The following MICAL3 variants were observed in gnomAD, a reference collection of about 807,000 sequenced individuals.
MICAL3 encodes the protein microtubule associated monooxygenase, calponin and LIM domain containing 3, also known as [F-actin]-monooxygenase MICAL3.
Under a neutral mutation model 207.4 loss-of-function variants are expected in MICAL3, and 62 were observed. The ratio of observed to expected loss-of-function variants is 0.30; its 90% CI spans 0.24 to 0.37. MICAL3 has a LOEUF of 0.37. MICAL3 is among the 10% of genes least tolerant of loss of function. MICAL3 has a pLI of 1.00. For synonymous variants in MICAL3, 1,077 were observed against 1,069.3 expected (o/e 1.01, Z -0.14); for missense variants, 2,368 against 2,635.6 (o/e 0.90, Z 2.22).
intron 1 of MICAL3, among the ~76,000 whole-genome samples, chr22:17,998,718 G>A (rs1470196477): frequency 6.6e-6 from 1 of 151,840 alleles, no homozygotes. Flanking sequence ...GCACCACCAC[G>A]CCCAGCTGGT....
intron 1 of MICAL3, among the ~76,000 whole-genome samples, chr22:17,908,468 C>T (rs928901359): frequency 1.4e-4 from 22 of 152,078 alleles, no homozygotes; most frequent in Non-Finnish European, 2.6e-4. Context: ...CCACCACGCC[C>T]GGCTAATTTT....
At chr22:17,842,697 C>A (rs893502030) in intron 19 of MICAL3, among the ~76,000 whole-genome samples, 2 of 152,254 alleles carry the variant, frequency 1.3e-5, no homozygotes, top group African/African-American at 4.8e-5. Context: ...ACTTCCCCAT[C>A]AGTCCTCCGT....
chr22:17,810,632 G>T, intron 28 of MICAL3, 71 bp downstream of exon 28: 2 of 1,239,248 alleles, frequency 1.6e-6, no homozygotes, highest in Non-Finnish European at 2.4e-6. Context: ...GCAGGGAGCA[G>T]CTGGGTGGAT....
At chr22:17,871,481 T>C (rs550289402) in intron 17 of MICAL3, among the ~76,000 whole-genome samples, 198 of 152,348 alleles carry the variant, frequency 1.3e-3, no homozygotes, top group African/African-American at 4.5e-3. Flanking sequence ...AATATGTGAC[T>C]TCTATGGATG....
chr22:17,895,380 G>C lies in MICAL3; in HGVS notation c.1353C>G (p.Thr451=). ...AGTTCTTACTCACATTCTCAGGGGTGGTCTGAGGCAGCAACCTGTAAATAC... is the reference window on the plus strand; with the variant it reads ...AGTTCTTACTCACATTCTCAGGGGTCGTCTGAGGCAGCAACCTGTAAATAC... The part of the protein sequence containing the change: ...RESIYRLLPQ[T]TPENVSKNFS... Residue 451 remains threonine (T), a synonymous_variant, in exon 10 of 32, where the codon ACC becomes ACG. Coordinates refer to ENST00000441493, the MANE Select transcript of MICAL3 (RefSeq NM_015241.3). The C allele has an allele frequency of 6.2e-7, 1 of 1,613,656 alleles. No individual in the cohort carries two copies. The highest frequency in any genetic ancestry group is 8.5e-7 in the Non-Finnish European group (1 of 1,179,698).
At chr22:17,973,437 T>C (rs1361788457) in intron 1 of MICAL3, among the ~76,000 whole-genome samples, 1 of 152,150 alleles carries the variant, frequency 6.6e-6, no homozygotes, top group Non-Finnish European at 1.5e-5. Flanking sequence ...GGCTTGATCA[T>C]CATGAGGCCC....
intron 1 of MICAL3, among the ~76,000 whole-genome samples, chr22:17,907,743 T>G (rs1931845548): frequency 6.6e-6 from 1 of 151,714 alleles, no homozygotes; most frequent in African/African-American, 2.4e-5. Flanking sequence ...TAGGGAGAGG[T>G]CTGAAGAGAA....
Position 17,841,976 on chromosome 22 carries a change from G to T in MICAL3, c.2647C>A (p.Arg883=). Residue 883 remains arginine (R), a synonymous_variant, in exon 20 of 32, where the codon CGA becomes AGA. Coordinates refer to ENST00000441493, the MANE Select transcript of MICAL3 (RefSeq NM_015241.3). The surrounding 1 kb of genome is among the most constrained non-coding windows in gnomAD (Gnocchi z 4.2). ...NGLEEPSIAK[R]LRGTPERIEL... is the part of the protein sequence containing the mutation. ...ATCCGCTCTGGGGTGCCCCTCAGTCGCTTGGCGATGCTGGGCTCCTCCAGG... is the reference window on the plus strand; with the variant it reads ...ATCCGCTCTGGGGTGCCCCTCAGTCTCTTGGCGATGCTGGGCTCCTCCAGG... 1 of 1,605,828 alleles carries T rather than the reference G, an allele frequency of 6.2e-7. No individual in the cohort carries two copies. Among genetic ancestry groups the T allele is most frequent in the South Asian group, 1.1e-5 (1 of 90,766 alleles).
chr22:17,959,210 T>C (rs1305294472), intron 1 of MICAL3, among the ~76,000 whole-genome samples: 1 of 151,108 alleles, frequency 6.6e-6, no homozygotes, highest in East Asian at 1.9e-4. Flanking sequence ...AGAGATGGGG[T>C]TTCACTGTGT....
Position 17,888,961 on chromosome 22 carries a change from CGGAA to C in MICAL3, c.1891+69_1891+72del, listed in dbSNP as rs955317842. The C allele has an allele frequency of 3.3e-5, 36 of 1,074,974 alleles. No individual in the cohort carries two copies. In the African/African-American group the frequency reaches 3.8e-4, roughly 11 times the overall value. The allele number at this position is 1,074,974 out of a possible 1,614,324, so 66.6% of individuals were successfully genotyped here. ...TTTGGTGGCACTGCTGCGGGACAGT[CGGAA>C]GGAAGGAAGAACAGCCGGGCCACAG... On this transcript the variant is annotated intron_variant, in intron 13 of 31. Transcript: ENST00000441493.
In MICAL3 at chr22:17,849,447, G is replaced by A. The variant is rs113699491; in HGVS notation, c.2606-7430C>T. Among the ~76,000 whole-genome samples, 467 of 152,200 alleles carry A rather than the reference G, an allele frequency of 3.1e-3. 4 individuals are homozygous for A. Among genetic ancestry groups the A allele is most frequent in the African/African-American group, 0.011 (443 of 41,534 alleles). ...AATCTTGGGCTCAGGTGGTCCTCCC[G>A]TCTCAGCCTCCTGAGTAGCTGAGAC... On this transcript the variant is annotated intron_variant, in intron 19 of 31. Transcript: ENST00000441493.
chr22:18,004,059 C>T (rs905843587), intron 1 of MICAL3, among the ~76,000 whole-genome samples: 1 of 151,400 alleles, frequency 6.6e-6, no homozygotes, highest in South Asian at 2.1e-4. Context: ...TGAGCCACTG[C>T]GCCTGGCCCC....
chr22:17,911,230 T>G (rs921920419), intron 1 of MICAL3, among the ~76,000 whole-genome samples: 1 of 152,114 alleles, frequency 6.6e-6, no homozygotes, highest in African/African-American at 2.4e-5. Context: ...AGTTGAAGGT[T>G]GTCACTGACT....
chr22:17,900,422 G>C lies in MICAL3; in HGVS notation c.847+420C>G, dbSNP rs1931221623. Among the ~76,000 whole-genome samples the C allele has an allele frequency of 6.6e-6, 1 of 152,094 alleles. No individual in the cohort carries two copies. The highest frequency in any genetic ancestry group is 6.5e-5 in the Admixed American group (1 of 15,268). ...TTGGGAGCAGCCCGGGCAACATGGCGAAACTCCGTCTCTACAAGTAATACG... is the reference window on the plus strand; with the variant it reads ...TTGGGAGCAGCCCGGGCAACATGGCCAAACTCCGTCTCTACAAGTAATACG... On this transcript the variant is annotated intron_variant, in intron 6 of 31. Coordinates refer to ENST00000441493, the MANE Select transcript of MICAL3 (RefSeq NM_015241.3). The surrounding 1 kb of genome is among the most constrained non-coding windows in gnomAD (Gnocchi z 4.0).
chr22:18,019,948 G>GACT (rs537663115), intron 1 of MICAL3: 182 of 151,202 alleles, frequency 1.2e-3, no homozygotes, highest in Non-Finnish European at 2.0e-3. Flanking sequence ...GAGTAGGTGG[G>GACT]ACTACAGGTG....
At position 17,900,875 on chromosome 22, in the gene MICAL3, G is replaced by C. The variant is rs1168102299; in HGVS notation, c.814C>G (p.Gln272Glu). The C allele has an allele frequency of 1.2e-6, 2 of 1,613,918 alleles. No homozygotes were observed. The highest frequency in any genetic ancestry group is 1.3e-5 in the African/African-American group (1 of 75,022). Residue 272 changes from glutamine to glutamate, a missense_variant, in exon 6 of 32, where the codon CAA becomes GAA. Transcript: ENST00000441493. The surrounding 1 kb of genome is among the most constrained non-coding windows in gnomAD (Gnocchi z 4.0). ...EISGVAFIFN[Q>E]KFFQELREAT... ...TCCCTCAGTTCCTGGAAAAATTTTT[G>C]GTTGAATATAAAAGCCACACCACTG...
intron 17 of MICAL3, 37 bp from the exon 18 acceptor site, chr22:17,866,049 C>G (rs1026902707): frequency 1.3e-6 from 2 of 1,508,956 alleles, no homozygotes; most frequent in African/African-American, 2.7e-5. Flanking sequence ...AGGCGATGAG[C>G]CAGGCACGGA....
chr22:17,914,371 A>G (rs1210771631), intron 1 of MICAL3, among the ~76,000 whole-genome samples: 1 of 152,180 alleles, frequency 6.6e-6, no homozygotes, highest in African/African-American at 2.4e-5. Context: ...ACTCGGTGCC[A>G]CATCCACGCC....
Position 17,902,559 on chromosome 22 carries a change from G to T in MICAL3, c.589+72C>A. 1 of 922,912 alleles carries T rather than the reference G, an allele frequency of 1.1e-6. No individual in the cohort carries two copies. The highest frequency in any genetic ancestry group is 1.7e-6 in the Non-Finnish European group (1 of 593,394). 57.2% of individuals were successfully genotyped at this position (922,912 alleles called of 1,614,324 possible). On this transcript the variant is annotated intron_variant, in intron 4 of 31. Coordinates refer to ENST00000441493, the MANE Select transcript of MICAL3 (RefSeq NM_015241.3). The surrounding 1 kb of genome is among the most constrained non-coding windows in gnomAD (Gnocchi z 4.5). ...AGCAGCCCTCAGGAGCCTTTGGTTT[G>T]CTCCCTCAATCTCATCTTCCTCACC...
Sources: gnomAD v4.1 joint callset for allele counts (sites outside exome capture counted in the v4.1 genomes callset) on GRCh38, gnomAD v4.1.1 for gene constraint, Gnocchi (gnomAD v3.1) non-coding constraint, MANE v1.5 for transcripts, NCBI Gene and HGNC (gene_info 2026-07-23, HGNC 2026-07-21) for gene names.